Variants in SEMA6D observed in about 807,000 individuals in gnomAD.
SEMA6D encodes semaphorin-6D.
SEMA6D carries 35 observed loss-of-function variants against 106.6 expected under a neutral mutation model. The observed-to-expected ratio is 0.33, with a 90% confidence interval of 0.25 to 0.44. The LOEUF is 0.44. Ranked by LOEUF, SEMA6D falls within the 20% of genes least tolerant of loss-of-function variation. SEMA6D has a pLI of 1.00. For synonymous variants in SEMA6D, 499 were observed against 487.7 expected (o/e 1.02, Z -0.31); for missense variants, 1,185 against 1,345.9 (o/e 0.88, Z 1.87).
At chr15:47,184,575 C>T (rs1011741046) in intron 1 of SEMA6D, among the ~76,000 whole-genome samples, 1 of 152,020 alleles carries the variant, frequency 6.6e-6, no homozygotes. Flanking sequence ...GCGGCCGGCG[C>T]AGAGACCCGA....
At chr15:47,501,805 T>C (rs968300977) in intron 3 of SEMA6D, among the ~76,000 whole-genome samples, 1 of 152,084 alleles carries the variant, frequency 6.6e-6, no homozygotes, top group Non-Finnish European at 1.5e-5. Flanking sequence ...AACCCCAAAA[T>C]AGCCAAACAT....
chr15:47,368,852 C>T lies in SEMA6D; in HGVS notation c.-238-43541C>T, dbSNP rs2039162096. Among the ~76,000 whole-genome samples the T allele has an allele frequency of 2.0e-5, 3 of 152,148 alleles. No homozygotes were observed. The South Asian group carries it at 6.2e-4, about 32-fold the overall frequency. On this transcript the variant is annotated intron_variant, in intron 1 of 19. Coordinates refer to the SEMA6D transcript ENST00000558014. Reference sequence around the variant, plus strand: ...GCGTTGAACATTTCCTCAGATTTCCCCTGGAGAGAGATGCAGTCGTCCTTA... The same window carrying T: ...GCGTTGAACATTTCCTCAGATTTCCTCTGGAGAGAGATGCAGTCGTCCTTA...
chr15:47,596,623 A>T (rs2076541075), intron 3 of SEMA6D, among the ~76,000 whole-genome samples: 2 of 152,094 alleles, frequency 1.3e-5, no homozygotes, highest in African/African-American at 4.8e-5. Context: ...CCAGAAATGA[A>T]CTCACACATC....
intron 2 of SEMA6D, among the ~76,000 whole-genome samples, chr15:47,440,225 AGAAAT>A (rs1305391221): frequency 6.6e-6 from 1 of 152,110 alleles, no homozygotes; most frequent in African/African-American, 2.4e-5. Flanking sequence ...GGCAGAATGA[AGAAAT>A]GAAAGAGAGA....
At chr15:47,538,085 A>G (rs1418127940) in intron 3 of SEMA6D, among the ~76,000 whole-genome samples, 1 of 152,178 alleles carries the variant, frequency 6.6e-6, no homozygotes, top group East Asian at 1.9e-4. Context: ...ATTACACAGA[A>G]TTAGGGATGG....
At chr15:47,662,324 T>C (rs953077445) in intron 4 of SEMA6D, among the ~76,000 whole-genome samples, 2 of 152,110 alleles carry the variant, frequency 1.3e-5, no homozygotes, top group South Asian at 2.1e-4. Flanking sequence ...AGAGCAGGAC[T>C]AGAAGTGGCA....
intron 15 of SEMA6D, 103 bp from the exon 16 acceptor site, chr15:47,766,513 C>A: frequency 1.0e-6 from 1 of 954,644 alleles, no homozygotes; most frequent in Non-Finnish European, 1.6e-6. Context: ...CTCTCTCTGC[C>A]CATTCTTACT....
upstream of SEMA6D, among the ~76,000 whole-genome samples, chr15:47,713,499 T>C (rs188779572): frequency 3.0e-4 from 46 of 152,334 alleles, no homozygotes; most frequent in East Asian, 8.7e-3. Context: ...GTCTATATTA[T>C]TAATGATTTA....
intron 1 of SEMA6D, among the ~76,000 whole-genome samples, chr15:47,280,306 T>A (rs1352400905): frequency 1.3e-5 from 2 of 151,948 alleles, no homozygotes; most frequent in African/African-American, 4.8e-5. Context: ...TTTTCTAGTT[T>A]ATTTGCGTAG....
rs745796582 is a variant in SEMA6D, at chr15:47,338,254, C to T, written c.-238-74139C>T. 5.6e-4 allele frequency among the ~76,000 whole-genome samples: 85 copies of T among 152,210 alleles called. 1 individual carries two copies. The highest frequency in any genetic ancestry group is 2.3e-3 in the Admixed American group (35 of 15,288). Reference sequence around the variant, plus strand: ...ATAAATGGGTTATTAATTTAGGAAACCCAATATTAACACCTTGAAAGAGGT... The same window carrying T: ...ATAAATGGGTTATTAATTTAGGAAATCCAATATTAACACCTTGAAAGAGGT... On this transcript the variant is annotated intron_variant, in intron 1 of 19. Transcript: ENST00000558014.
At chr15:47,410,365 C>CA (rs927082653) in intron 1 of SEMA6D, among the ~76,000 whole-genome samples, 1 of 152,174 alleles carries the variant, frequency 6.6e-6, no homozygotes, top group Non-Finnish European at 1.5e-5. Context: ...CATCAAAACA[C>CA]ACTGGAACAA....
intron 2 of SEMA6D, among the ~76,000 whole-genome samples, chr15:47,427,714 T>G (rs2041386278): frequency 6.6e-6 from 1 of 152,158 alleles, no homozygotes; most frequent in African/African-American, 2.4e-5. Context: ...ATCCAAAGTC[T>G]AAAAGAGATA....
chr15:47,740,025 A>G (rs556687628), intron 1 of SEMA6D, among the ~76,000 whole-genome samples: 1 of 152,348 alleles, frequency 6.6e-6, no homozygotes, highest in South Asian at 2.1e-4. Flanking sequence ...CCAAGATCAC[A>G]AAGCTAGTGG....
At chr15:47,729,268 A>T (rs1028714402) in intron 1 of SEMA6D, among the ~76,000 whole-genome samples, 2 of 152,230 alleles carry the variant, frequency 1.3e-5, no homozygotes, top group African/African-American at 4.8e-5. Context: ...AGTAGTAACA[A>T]CACAAACATT....
intron 1 of SEMA6D, among the ~76,000 whole-genome samples, chr15:47,224,970 T>C (rs546436601): frequency 1.3e-5 from 2 of 151,780 alleles, no homozygotes; most frequent in East Asian, 3.9e-4. Context: ...TGTTCTGATA[T>C]CTGAGGTCAC....
At chr15:47,406,904 A>G (rs2040590275) in intron 1 of SEMA6D, among the ~76,000 whole-genome samples, 1 of 152,142 alleles carries the variant, frequency 6.6e-6, no homozygotes, top group South Asian at 2.1e-4. Flanking sequence ...TACCCTAGAT[A>G]TGTGTGCTAC....
intron 4 of SEMA6D, among the ~76,000 whole-genome samples, chr15:47,633,585 T>C (rs2077329131): frequency 1.3e-5 from 2 of 152,190 alleles, no homozygotes; most frequent in Non-Finnish European, 2.9e-5. Context: ...AGAAGTTGAA[T>C]TGTAATGTAT....
intron 4 of SEMA6D, among the ~76,000 whole-genome samples, chr15:47,705,114 A>G (rs2078889309): frequency 6.6e-6 from 1 of 152,192 alleles, no homozygotes; most frequent in African/African-American, 2.4e-5. Context: ...GCACAGTTGA[A>G]GGCAATTACT....
At chr15:47,415,610 TC>T (rs2040939988) in intron 2 of SEMA6D, among the ~76,000 whole-genome samples, 1 of 152,122 alleles carries the variant, frequency 6.6e-6, no homozygotes, top group South Asian at 2.1e-4. Flanking sequence ...CCCACAGCCC[TC>T]CGCTTCCATA....
Sources: gnomAD v4.1 joint callset for allele counts (sites outside exome capture counted in the v4.1 genomes callset) on GRCh38, gnomAD v4.1.1 for gene constraint, MANE v1.5 for transcripts, NCBI Gene and HGNC (gene_info 2026-07-23, HGNC 2026-07-21) for gene names.